MECOM: variants seen among roughly 807,000 people sequenced by gnomAD.
The protein encoded by MECOM is MDS1 and EVI1 complex locus.
Under a neutral mutation model 116.3 loss-of-function variants are expected in MECOM, and 13 were observed. The observed-to-expected ratio is 0.11, with a 90% CI of 0.07 to 0.18. The LOEUF (loss-of-function observed/expected upper bound fraction) is 0.18. Among genes scored for constraint, MECOM ranks in the 10% least tolerant of loss-of-function variants. The pLI is 1.00. For synonymous variants in MECOM, 528 were observed against 535.2 expected (o/e 0.99, Z 0.19); for missense variants, 1,299 against 1,509.0 (o/e 0.86, Z 2.31).
chr3:169,449,089 C>A (rs1425086411), intron 1 of MECOM, among the ~76,000 whole-genome samples: 1 of 152,130 alleles, frequency 6.6e-6, no homozygotes, highest in Admixed American at 6.5e-5. Context: ...AGCTCAATCA[C>A]GAAAGGTCTT....
chr3:169,430,215 C>CT (rs1741385555), intron 1 of MECOM, among the ~76,000 whole-genome samples: 1 of 152,230 alleles, frequency 6.6e-6, no homozygotes, highest in African/African-American at 2.4e-5. Context: ...AAAATGCAAT[C>CT]TTTCATCAGG....
In MECOM at chr3:169,598,670, C is replaced by T. The variant is rs572070523; in HGVS notation, c.37+64666G>A. ...CATAAAGGGGGGTAATGATACTTTTCGTCTGAGTGTAGTATAGTGAGCAAT... is the reference window on the plus strand; with the variant it reads ...CATAAAGGGGGGTAATGATACTTTTTGTCTGAGTGTAGTATAGTGAGCAAT... On this transcript the variant is annotated intron_variant, in intron 1 of 16. Transcript: ENST00000651503. Among the ~76,000 whole-genome samples, 25 of 152,256 alleles carry T rather than the reference C, an allele frequency of 1.6e-4. 1 individual carries two copies. Among genetic ancestry groups the T allele is most frequent in the East Asian group, 1.5e-3 (8 of 5,192 alleles).
intron 1 of MECOM, among the ~76,000 whole-genome samples, chr3:169,408,649 C>G (rs897272272): frequency 6.6e-6 from 1 of 152,056 alleles, no homozygotes; most frequent in Non-Finnish European, 1.5e-5. Context: ...AACCACAGTA[C>G]TATTATTTAT....
chr3:169,199,647 T>TA, intron 2 of MECOM, among the ~76,000 whole-genome samples: 1 of 152,194 alleles, frequency 6.6e-6, no homozygotes, highest in East Asian at 1.9e-4. Context: ...AACTGTGAGT[T>TA]ACGTTACACA....
chr3:169,428,502 G>A (rs1038710762), intron 1 of MECOM, among the ~76,000 whole-genome samples: 2 of 152,152 alleles, frequency 1.3e-5, no homozygotes, highest in Non-Finnish European at 2.9e-5. Flanking sequence ...CTGCTATGCG[G>A]CCCAGTTCCT....
At chr3:169,175,058 C>T (rs1420267688) in intron 2 of MECOM, among the ~76,000 whole-genome samples, 2 of 152,108 alleles carry the variant, frequency 1.3e-5, no homozygotes, top group Admixed American at 6.6e-5. Flanking sequence ...AACTGTGTTC[C>T]AATCCCACCT....
chr3:169,443,283 G>T (rs941149317), intron 1 of MECOM, among the ~76,000 whole-genome samples: 2 of 151,780 alleles, frequency 1.3e-5, no homozygotes, highest in African/African-American at 4.8e-5. Context: ...CTCACATTAG[G>T]TCCCTTCATT....
intron 2 of MECOM, among the ~76,000 whole-genome samples, chr3:169,235,219 G>GAAA (rs1438615450): frequency 1.3e-5 from 2 of 151,884 alleles, no homozygotes; most frequent in South Asian, 4.1e-4. Context: ...TGCTCTATGA[G>GAAA]AAAAAAAGCA....
At chr3:169,311,286 A>G (rs1170060784) in intron 2 of MECOM, among the ~76,000 whole-genome samples, 1 of 152,206 alleles carries the variant, frequency 6.6e-6, no homozygotes, top group Non-Finnish European at 1.5e-5. Flanking sequence ...CAATAAGAGA[A>G]AAAAAACTTG....
At chr3:169,087,104 A>C (rs1718021710) in intron 16 of MECOM, among the ~76,000 whole-genome samples, 1 of 152,186 alleles carries the variant, frequency 6.6e-6, no homozygotes, top group African/African-American at 2.4e-5. Flanking sequence ...GTTTCTTATA[A>C]CAGTAACAGT....
At chr3:169,552,855 A>G (rs1220192345) in intron 1 of MECOM, among the ~76,000 whole-genome samples, 1 of 148,778 alleles carries the variant, frequency 6.7e-6, no homozygotes, top group Non-Finnish European at 1.5e-5. Context: ...CTAAGTCCCC[A>G]GTCACTTTGA....
chr3:169,470,628 T>C (rs1749070101), intron 1 of MECOM, among the ~76,000 whole-genome samples: 1 of 152,134 alleles, frequency 6.6e-6, no homozygotes, highest in Non-Finnish European at 1.5e-5. Flanking sequence ...GTTCTATTCC[T>C]GGCCACAGAG....
intron 1 of MECOM, among the ~76,000 whole-genome samples, chr3:169,433,152 G>A (rs1172218725): frequency 6.6e-6 from 1 of 152,118 alleles, no homozygotes; most frequent in Non-Finnish European, 1.5e-5. Flanking sequence ...CTATATATTA[G>A]AACCAATGTT....
At chr3:169,146,544 T>A (rs1739996134) in intron 2 of MECOM, 1 of 1,377,278 alleles carries the variant, frequency 7.3e-7, no homozygotes, top group Non-Finnish European at 9.6e-7. Context: ...AACAAGGAAA[T>A]CGCCCGGCTT....
intron 1 of MECOM, among the ~76,000 whole-genome samples, chr3:169,649,873 A>T (rs891137729): frequency 1.3e-5 from 2 of 152,232 alleles, no homozygotes; most frequent in Admixed American, 6.5e-5. Flanking sequence ...CCAATCTAAA[A>T]TGTCCAATAT....
chr3:169,491,501 GAAT>G (rs1410463792), intron 1 of MECOM, among the ~76,000 whole-genome samples: 3 of 152,066 alleles, frequency 2.0e-5, no homozygotes, highest in African/African-American at 7.2e-5. Context: ...AGAAAAATAA[GAAT>G]AATAATCTCA....
chr3:169,299,731 T>C (rs1374916702), intron 2 of MECOM, among the ~76,000 whole-genome samples: 3 of 152,248 alleles, frequency 2.0e-5, no homozygotes, highest in Admixed American at 6.5e-5. Context: ...ACATTTTCAT[T>C]CAAACTGTGT....
chr3:169,515,391 C>T (rs7613029), intron 1 of MECOM, among the ~76,000 whole-genome samples: 59,925 of 152,024 alleles, frequency 0.39, 12,954 homozygotes, highest in African/African-American at 0.58. Flanking sequence ...ATTGGTACAA[C>T]GTAAATATTC....
chr3:169,488,815 C>A (rs1202766473), intron 1 of MECOM, among the ~76,000 whole-genome samples: 1 of 150,620 alleles, frequency 6.6e-6, no homozygotes, highest in South Asian at 2.1e-4. Flanking sequence ...GCAGCTAAAC[C>A]AATATTAGAG....
Sources: allele counts gnomAD v4.1 joint callset (sites outside exome capture counted in the v4.1 genomes callset), GRCh38; gene constraint gnomAD v4.1.1; transcripts MANE v1.5; gene names NCBI Gene and HGNC (gene_info 2026-07-23, HGNC 2026-07-21).